COL21A1: variants seen among roughly 807,000 people sequenced by gnomAD.
COL21A1 encodes collagen alpha-1(XXI) chain.
Under a neutral mutation model 137.9 loss-of-function variants are expected in COL21A1, and 149 were observed. That is an observed-to-expected ratio of 1.08 (90% CI 0.95 to 1.24). COL21A1 has a LOEUF of 1.24. Ranked by LOEUF, COL21A1 falls within the 50% of genes most tolerant of loss-of-function variation. COL21A1 has a pLI of 0.00. For missense variants in COL21A1, 1,167 were observed against 1,158.4 expected (o/e 1.01, Z -0.11); for synonymous variants, 456 against 391.5 (o/e 1.16, Z -1.95).
chr6:56,333,368 T>C (rs569082343), intron 1 of COL21A1, among the ~76,000 whole-genome samples: 1 of 130,994 alleles, frequency 7.6e-6, no homozygotes, highest in South Asian at 2.6e-4. Flanking sequence ...GTTTGAGAAA[T>C]TTATACAGAT....
intron 1 of COL21A1, among the ~76,000 whole-genome samples, chr6:56,232,491 CA>C (rs1285753050): frequency 6.6e-6 from 1 of 151,816 alleles, no homozygotes; most frequent in Non-Finnish European, 1.5e-5. Context: ...TTGCTTCCTA[CA>C]AAGCAGGAGA....
At chr6:56,194,897 A>G (rs992347180) in intron 1 of COL21A1, among the ~76,000 whole-genome samples, 2 of 152,200 alleles carry the variant, frequency 1.3e-5, no homozygotes, top group Admixed American at 6.5e-5. Context: ...GGGCTTTTAA[A>G]AGGTGATTGG....
At chr6:56,285,205 T>G (rs1233472146) in intron 1 of COL21A1, among the ~76,000 whole-genome samples, 1 of 152,180 alleles carries the variant, frequency 6.6e-6, no homozygotes, top group South Asian at 2.1e-4. Context: ...CTTCTTTCCT[T>G]CCACCTAGCT....
At chr6:56,067,591 G>T (rs1012641946) in intron 22 of COL21A1, among the ~76,000 whole-genome samples, 6 of 151,636 alleles carry the variant, frequency 4.0e-5, no homozygotes, top group Admixed American at 1.3e-4. Context: ...TCCCAGAAAG[G>T]AGAAAACTTC....
intron 1 of COL21A1, among the ~76,000 whole-genome samples, chr6:56,241,689 G>T (rs139434556): frequency 6.6e-6 from 1 of 152,294 alleles, no homozygotes; most frequent in Admixed American, 6.5e-5. Context: ...CTCTCCACTT[G>T]TTGCCAAGAC....
intron 1 of COL21A1, among the ~76,000 whole-genome samples, chr6:56,392,265 A>G (rs1174496366): frequency 6.6e-6 from 1 of 152,172 alleles, no homozygotes; most frequent in Non-Finnish European, 1.5e-5. Flanking sequence ...ATTTCAATTG[A>G]TGACAAAAAA....
At chr6:56,076,332 T>A (rs758303718) in intron 18 of COL21A1, among the ~76,000 whole-genome samples, 28 of 151,326 alleles carry the variant, frequency 1.9e-4, no homozygotes, top group Admixed American at 7.3e-4. Context: ...TAAATTAAGA[T>A]GAAGCAATGA....
At chr6:56,241,229 A>G (rs904232941) in intron 1 of COL21A1, among the ~76,000 whole-genome samples, 7 of 152,184 alleles carry the variant, frequency 4.6e-5, no homozygotes, top group Non-Finnish European at 1.0e-4. Flanking sequence ...GTAGGCCCTT[A>G]TAAATAGACA....
At chr6:56,182,084 C>G (rs920046622) in intron 2 of COL21A1, among the ~76,000 whole-genome samples, 3 of 152,032 alleles carry the variant, frequency 2.0e-5, no homozygotes, top group African/African-American at 7.2e-5. Context: ...AAATGATAGT[C>G]TGGGTAACAG....
upstream of COL21A1, among the ~76,000 whole-genome samples, chr6:56,248,252 A>G (rs1782753622): frequency 2.0e-5 from 3 of 151,960 alleles, no homozygotes. Context: ...CACCCCTCCT[A>G]CCCCAACACA....
At chr6:56,274,622 C>A (rs996877832) in intron 1 of COL21A1, among the ~76,000 whole-genome samples, 2 of 151,656 alleles carry the variant, frequency 1.3e-5, no homozygotes, top group Non-Finnish European at 2.9e-5. Flanking sequence ...AATAGCTACA[C>A]ACAAAAAAGA....
intron 1 of COL21A1, among the ~76,000 whole-genome samples, chr6:56,269,421 C>T (rs568767577): frequency 4.6e-5 from 7 of 151,738 alleles, no homozygotes; most frequent in South Asian, 2.1e-4. Context: ...TTTGGGAGGC[C>T]GAGGCGGGCG....
At chr6:56,250,826 A>G (rs905195103), upstream of COL21A1, among the ~76,000 whole-genome samples, 1 of 152,186 alleles carries the variant, frequency 6.6e-6, no homozygotes, top group Non-Finnish European at 1.5e-5. Context: ...TAGTAAAGAG[A>G]GTATCTTTTT....
chr6:56,106,134 A>T (rs536048340), intron 16 of COL21A1, among the ~76,000 whole-genome samples: 1 of 152,352 alleles, frequency 6.6e-6, no homozygotes, highest in East Asian at 1.9e-4. Flanking sequence ...TTTTTCATGT[A>T]TATAGAAAGT....
intron 1 of COL21A1, among the ~76,000 whole-genome samples, chr6:56,330,244 G>T (rs965360920): frequency 3.3e-5 from 5 of 151,978 alleles, no homozygotes; most frequent in African/African-American, 9.7e-5. Context: ...TATTAAGATA[G>T]ATTTTTGGTA....
chr6:56,088,343 A>G (rs1335117453), intron 17 of COL21A1, among the ~76,000 whole-genome samples: 1 of 152,136 alleles, frequency 6.6e-6, no homozygotes, highest in Non-Finnish European at 1.5e-5. Context: ...CAGCCTGGGC[A>G]ACAGAGTGAG....
chr6:56,156,782 T>C (rs2152257753), intron 10 of COL21A1, 105 bp downstream of exon 10: 1 of 906,798 alleles, frequency 1.1e-6, no homozygotes, highest in East Asian at 2.6e-5. Flanking sequence ...ATGGCAGCAG[T>C]CATGAATAAA....
At chr6:56,233,390 G>T (rs1008843800) in intron 1 of COL21A1, among the ~76,000 whole-genome samples, 1 of 151,770 alleles carries the variant, frequency 6.6e-6, no homozygotes, top group East Asian at 1.9e-4. Flanking sequence ...GTTAATAACA[G>T]TAAAAGGACT....
chr6:56,060,999 A>C lies in COL21A1; in HGVS notation c.2244T>G (p.Ile748Met). 1 of 1,610,020 alleles carries C rather than the reference A, an allele frequency of 6.2e-7. No individual in the cohort carries two copies. The highest frequency in any genetic ancestry group is 8.5e-7 in the Non-Finnish European group (1 of 1,178,462). The change falls in exon 26 of 30, where the codon ATT becomes ATG. Residue 748 changes from isoleucine (I) to methionine (M), a missense_variant. Coordinates refer to ENST00000244728, the MANE Select transcript of COL21A1 (RefSeq NM_030820.4). ...EKGEPGVRGA[I>M]GSKGESGVDG... ...CCACCCCAGATTCTCCTTTTGATCC[A>C]ATGGCACCTCGGACACCAGGTTCTC...
Sources: gnomAD v4.1 joint callset for allele counts (sites outside exome capture counted in the v4.1 genomes callset) on GRCh38, gnomAD v4.1.1 for gene constraint, MANE v1.5 for transcripts, NCBI Gene and HGNC (gene_info 2026-07-23, HGNC 2026-07-21) for gene names.